Variants in NCOA6 observed in about 807,000 individuals in gnomAD.
The protein encoded by NCOA6 is nuclear receptor coactivator 6, also known as NRC RAP250.
A neutral mutation model predicts 171.4 loss-of-function variants in NCOA6; 49 were observed. The observed-to-expected ratio is 0.29, with a 90% CI of 0.23 to 0.36. The LOEUF (loss-of-function observed/expected upper bound fraction) is 0.36. Among genes scored for constraint, NCOA6 ranks in the 10% least tolerant of loss-of-function variants. NCOA6 has a pLI of 1.00. For missense variants in NCOA6, 2,248 were observed against 2,554.5 expected (o/e 0.88, Z 2.59); for synonymous variants, 910 against 927.5 (o/e 0.98, Z 0.34).
chr20:34,765,848 A>G (rs558128799), intron 5 of NCOA6, among the ~76,000 whole-genome samples: 1 of 152,314 alleles, frequency 6.6e-6, no homozygotes, highest in South Asian at 2.1e-4. Flanking sequence ...GGAATTCTAT[A>G]AGGCTATGAA....
At position 34,731,727 on chromosome 20, in the gene NCOA6, T is replaced by A. The variant is rs1452460890; in HGVS notation, c.5999+832A>T. ...GTTCTTTAAAATATTATCCAGTGCATTCCTACACTAAAAGAGACAAGACTG... is the reference window on the plus strand; with the variant it reads ...GTTCTTTAAAATATTATCCAGTGCAATCCTACACTAAAAGAGACAAGACTG... On this transcript the variant is annotated intron_variant, in intron 13 of 14. Coordinates refer to ENST00000359003, the MANE Select transcript of NCOA6 (RefSeq NM_014071.5). Among the ~76,000 whole-genome samples, 3 of 152,224 alleles carry A rather than the reference T, an allele frequency of 2.0e-5. No individual in the cohort carries two copies. In the East Asian group the frequency reaches 5.8e-4, roughly 29 times the overall value.
At chr20:34,804,747 TATA>T (rs1246178881) in intron 1 of NCOA6, among the ~76,000 whole-genome samples, 5 of 152,086 alleles carry the variant, frequency 3.3e-5, no homozygotes, top group Non-Finnish European at 5.9e-5. Context: ...TGGGGTACAG[TATA>T]ATATTTTGAT....
chr20:34,787,520 C>T (rs1230710270), intron 2 of NCOA6, among the ~76,000 whole-genome samples: 10 of 150,156 alleles, frequency 6.7e-5, no homozygotes, highest in African/African-American at 2.0e-4. Flanking sequence ...AGCAAGTTCC[C>T]GCTCTTAAAA....
intron 14 of NCOA6, among the ~76,000 whole-genome samples, chr20:34,725,752 G>T (rs1386510728): frequency 1.3e-5 from 2 of 152,184 alleles, no homozygotes; most frequent in African/African-American, 2.4e-5. Flanking sequence ...ATAGATGGTG[G>T]TGCCATTTAT....
At chr20:34,737,322 T>C (rs924062034) in intron 11 of NCOA6, among the ~76,000 whole-genome samples, 5 of 152,202 alleles carry the variant, frequency 3.3e-5, no homozygotes. Context: ...TAACAAATAG[T>C]TGCAAAGAAC....
chr20:34,777,576 C>A (rs1034177884), intron 3 of NCOA6, among the ~76,000 whole-genome samples: 1 of 151,730 alleles, frequency 6.6e-6, no homozygotes, highest in African/African-American at 2.4e-5. Context: ...GAATGCACTA[C>A]TGCACTCCAG....
Position 34,741,640 on chromosome 20 carries a change from G to A in NCOA6, c.4616C>T (p.Ser1539Phe). 1.2e-6 allele frequency: 2 copies of A among 1,614,222 alleles called. No homozygotes were observed. Among genetic ancestry groups the A allele is most frequent in the Non-Finnish European group, 1.7e-6 (2 of 1,180,048 alleles). ...TAGGGAATTAGAAGGTTCTTTAGAA[G>A]AAGACAGATCCTGCAGTGTGGGAAT... Reference protein sequence around the residue: ...SVIPTLQDLSSSKEPSNSLNL... With the variant: ...SVIPTLQDLSFSKEPSNSLNL... The change falls in exon 11 of 15, where the codon TCT (serine) becomes TTT (phenylalanine). Residue 1539 changes from serine to phenylalanine, a missense_variant. Physicochemically the swap from Ser to Phe is radical, Grantham distance 155 (BLOSUM62 -2). Around this residue, in one of 7 missense-constraint regions of NCOA6, gnomAD observed 884 missense variants for 941.9 expected, o/e 0.94. Transcript: ENST00000359003.
rs1306838529 is a variant in NCOA6, at chr20:34,741,389, C to T, written c.4867G>A (p.Ala1623Thr). The T allele has an allele frequency of 6.2e-7, 1 of 1,614,200 alleles. No homozygotes were observed. The highest frequency in any genetic ancestry group is 1.1e-5 in the South Asian group (1 of 91,084). ...ATTGTGACAACTGTTGACATCAATG[C>T]AGACTGCAAGTGAGTTGGCAAAGCT... is the stretch of plus-strand genomic sequence containing the variant. ...SAALPTHLQS[A>T]LMSTVVTMPN... is the part of the protein sequence containing the mutation. The change falls in exon 11 of 15, where the codon GCA (alanine) becomes ACA (threonine). Residue 1623 changes from alanine to threonine, a missense_variant. Physicochemically the swap from Ala to Thr is moderately conservative, Grantham distance 58. Around this residue, in one of 7 missense-constraint regions of NCOA6, gnomAD observed 884 missense variants for 941.9 expected, o/e 0.94. Transcript: ENST00000359003.
intron 12 of NCOA6, among the ~76,000 whole-genome samples, chr20:34,735,729 T>C (rs2075934930): frequency 6.6e-6 from 1 of 152,148 alleles, no homozygotes; most frequent in Non-Finnish European, 1.5e-5. Flanking sequence ...AGAGGCCTGA[T>C]TTTATTCAGA....
chr20:34,727,216 C>T, intron 14 of NCOA6, 43 bp downstream of exon 14: 1 of 1,600,648 alleles, frequency 6.2e-7, no homozygotes, highest in Non-Finnish European at 8.5e-7. Context: ...GAACTCTATT[C>T]CTCTATTTGA....
intron 3 of NCOA6, among the ~76,000 whole-genome samples, chr20:34,780,602 G>A (rs1008896738): frequency 7.3e-5 from 11 of 151,454 alleles, no homozygotes; most frequent in African/African-American, 2.4e-4. Flanking sequence ...CGCCCACCTC[G>A]ACCTCCCAAA....
intron 5 of NCOA6, among the ~76,000 whole-genome samples, chr20:34,759,539 T>C (rs1378274116): frequency 6.6e-6 from 1 of 152,204 alleles, no homozygotes; most frequent in Non-Finnish European, 1.5e-5. Context: ...ACTTTTTCTG[T>C]AGATAAACAT....
intron 4 of NCOA6, among the ~76,000 whole-genome samples, chr20:34,768,818 T>C (rs1256161715): frequency 6.6e-6 from 1 of 152,104 alleles, no homozygotes; most frequent in African/African-American, 2.4e-5. Flanking sequence ...GGAAGCAGGG[T>C]GACCATGAAT....
At chr20:34,736,511 A>G (rs939399875) in intron 12 of NCOA6, among the ~76,000 whole-genome samples, 179 bp downstream of exon 12, 1 of 152,170 alleles carries the variant, frequency 6.6e-6, no homozygotes, top group East Asian at 1.9e-4. Flanking sequence ...GTCGGGGGGA[A>G]AATAATCTCA....
intron 3 of NCOA6, among the ~76,000 whole-genome samples, chr20:34,779,013 G>C (rs2077436662): frequency 6.6e-6 from 1 of 151,306 alleles, no homozygotes; most frequent in African/African-American, 2.4e-5. Flanking sequence ...GCGACACATG[G>C]TGGTGATTGT....
At chr20:34,811,673 C>T (rs148554044) in intron 1 of NCOA6, among the ~76,000 whole-genome samples, 1 of 152,262 alleles carries the variant, frequency 6.6e-6, no homozygotes, top group African/African-American at 2.4e-5. Context: ...CACTTTCCTG[C>T]TCCTGAAGTT....
chr20:34,715,961 A>G (rs1255851896), intron 14 of NCOA6, among the ~76,000 whole-genome samples: 1 of 152,200 alleles, frequency 6.6e-6, no homozygotes, highest in African/African-American at 2.4e-5. Flanking sequence ...TCACGCCTGT[A>G]ATCCCAGCAT....
intron 11 of NCOA6, among the ~76,000 whole-genome samples, chr20:34,740,012 G>A (rs1333662672): frequency 1.3e-5 from 2 of 152,062 alleles, no homozygotes; most frequent in African/African-American, 4.8e-5. Flanking sequence ...ACAGGTGTGT[G>A]CCATCATGCC....
At chr20:34,735,849 A>G (rs1177644748) in intron 12 of NCOA6, among the ~76,000 whole-genome samples, 1 of 152,120 alleles carries the variant, frequency 6.6e-6, no homozygotes, top group East Asian at 1.9e-4. Flanking sequence ...CACAAAATTA[A>G]GCATGGCTAC....
Sources: gnomAD v4.1 joint callset for allele counts (sites outside exome capture counted in the v4.1 genomes callset) on GRCh38, gnomAD v4.1.1 for gene constraint, gnomAD v4.1.1 regional missense constraint, MANE v1.5 for transcripts, NCBI Gene and HGNC (gene_info 2026-07-23, HGNC 2026-07-21) for gene names.